PRKCB: variants seen among roughly 807,000 people sequenced by gnomAD.
PRKCB encodes protein kinase C beta type.
In PRKCB, 13 loss-of-function variants were observed where a neutral mutation model predicts 81.5. That is an observed-to-expected ratio of 0.16 (90% CI 0.10 to 0.25). The LOEUF (loss-of-function observed/expected upper bound fraction) is 0.25. PRKCB is among the 10% of genes least tolerant of loss of function. The pLI, the probability that PRKCB is intolerant of heterozygous loss-of-function variation, is 1.00. For missense variants in PRKCB, 509 were observed against 875.7 expected (o/e 0.58, Z 5.29); for synonymous variants, 335 against 321.4 (o/e 1.04, Z -0.45).
intron 5 of PRKCB, among the ~76,000 whole-genome samples, chr16:24,074,750 A>C (rs1291383408): frequency 6.6e-6 from 1 of 152,144 alleles, no homozygotes; most frequent in Non-Finnish European, 1.5e-5. Flanking sequence ...GGGGAGGGAA[A>C]TCTGTAAGGA....
chr16:24,138,335 T>A (rs1966872158), intron 9 of PRKCB, among the ~76,000 whole-genome samples: 1 of 152,262 alleles, frequency 6.6e-6, no homozygotes, highest in African/African-American at 2.4e-5. Context: ...GCTTTCTTCC[T>A]GCCACCTAAT....
intron 7 of PRKCB, among the ~76,000 whole-genome samples, chr16:24,112,474 G>C (rs1397020140): frequency 6.6e-6 from 1 of 152,090 alleles, no homozygotes; most frequent in Non-Finnish European, 1.5e-5. Context: ...GGAGCTCGAG[G>C]CTTCAGTGAG....
Position 24,092,892 on chromosome 16 carries a change from A to C in PRKCB, c.631A>C (p.Lys211Gln). ...IPDPKSESKQKTKTIKCSLNP... is the reference protein window; with the variant it reads ...IPDPKSESKQQTKTIKCSLNP... ...CGATCCCAAAAGTGAGAGCAAACAG[A>C]AGACCAAAACCATCAAATGCTCCCT... The change falls in exon 6 of 17, where the codon AAG (lysine) becomes CAG (glutamine). Residue 211 changes from lysine to glutamine, a missense_variant. By Grantham distance (53) the Lys-to-Gln change is moderately conservative. This residue lies in a region of PRKCB where 184 missense variants were observed against 362.9 expected (regional missense o/e 0.51). Coordinates refer to ENST00000643927, the MANE Select transcript of PRKCB (RefSeq NM_002738.7). 1 of 1,614,156 alleles carries C rather than the reference A, an allele frequency of 6.2e-7. No homozygotes were observed.
chr16:23,870,668 T>C (rs1962888041), intron 2 of PRKCB, among the ~76,000 whole-genome samples: 1 of 152,254 alleles, frequency 6.6e-6, no homozygotes, highest in Non-Finnish European at 1.5e-5. Flanking sequence ...AGGACCTACC[T>C]GCACGTAGGT....
At chr16:23,991,336 G>A (rs1442153850) in intron 3 of PRKCB, among the ~76,000 whole-genome samples, 3 of 152,210 alleles carry the variant, frequency 2.0e-5, no homozygotes, top group Non-Finnish European at 4.4e-5. Context: ...CAAAGACAAA[G>A]TTTGAGACTG....
intron 13 of PRKCB, 70 bp downstream of exon 13, chr16:24,180,998 G>C (rs960425709): frequency 2.5e-6 from 4 of 1,577,284 alleles, no homozygotes; most frequent in Admixed American, 1.7e-5. Context: ...CTGTGTGAGA[G>C]CTGGGAAGGG....
intron 9 of PRKCB, among the ~76,000 whole-genome samples, chr16:24,128,594 A>G (rs1014127379): frequency 2.0e-5 from 3 of 152,246 alleles, no homozygotes; most frequent in Non-Finnish European, 2.9e-5. Flanking sequence ...TGGAAGGGCT[A>G]TCTTACCAAA....
intron 2 of PRKCB, among the ~76,000 whole-genome samples, chr16:23,887,670 GT>G (rs1963225535): frequency 2.6e-5 from 4 of 152,204 alleles, no homozygotes; most frequent in Admixed American, 1.3e-4. Context: ...GAGTGAAGGT[GT>G]CTTTTTGGTG....
Position 24,220,001 on chromosome 16 carries a change from C to G in PRKCB, c.*5185C>G. 1.9e-6 allele frequency: 3 copies of G among 1,614,136 alleles called. No homozygotes were observed. The highest frequency in any genetic ancestry group is 1.7e-6 in the Non-Finnish European group (2 of 1,180,004). On this transcript the variant is annotated 3_prime_UTR_variant, in exon 17 of 17. Transcript: ENST00000643927. The stretch of plus-strand genomic sequence containing the variant: ...ACCTCCAACTTCGACAAAGAGTTCA[C>G]CAGACAGCCTGTGGAACTGACCCCC...
intron 5 of PRKCB, among the ~76,000 whole-genome samples, chr16:24,060,380 T>G (rs891216916): frequency 2.0e-5 from 3 of 152,154 alleles, no homozygotes; most frequent in African/African-American, 7.2e-5. Flanking sequence ...CAAGCTCCTT[T>G]GTACAGGGCA....
intron 2 of PRKCB, among the ~76,000 whole-genome samples, chr16:23,936,579 A>ATTTTTTTTTT (rs57643578): frequency 2.4e-3 from 228 of 96,034 alleles, no homozygotes; most frequent in East Asian, 3.5e-3. Context: ...CACCCAACTA[A>ATTTTTTTTTT]TTTTTTTTTT....
intron 2 of PRKCB, among the ~76,000 whole-genome samples, chr16:23,979,056 G>A (rs893940022): frequency 2.4e-4 from 37 of 152,078 alleles, no homozygotes; most frequent in African/African-American, 8.9e-4. Flanking sequence ...AAGTAGGTAG[G>A]GATAATATTG....
intron 3 of PRKCB, among the ~76,000 whole-genome samples, chr16:24,000,433 C>T (rs1965016985): frequency 6.6e-6 from 1 of 152,136 alleles, no homozygotes; most frequent in Non-Finnish European, 1.5e-5. Context: ...ATCAGACATA[C>T]CTGAATTTGA....
intron 4 of PRKCB, among the ~76,000 whole-genome samples, chr16:24,035,138 C>G (rs916300240): frequency 6.6e-6 from 1 of 152,142 alleles, no homozygotes; most frequent in Non-Finnish European, 1.5e-5. Flanking sequence ...GGCTTCAGAG[C>G]CTTAAGGGGT....
intron 3 of PRKCB, among the ~76,000 whole-genome samples, chr16:24,027,448 T>TG (rs1965495917): frequency 1.3e-5 from 2 of 151,998 alleles, no homozygotes; most frequent in Admixed American, 6.6e-5. Context: ...GATCCCTTAG[T>TG]TTTTTGGGGG....
chr16:24,010,094 T>C (rs1013872005), intron 3 of PRKCB, among the ~76,000 whole-genome samples: 1 of 152,172 alleles, frequency 6.6e-6, no homozygotes, highest in Non-Finnish European at 1.5e-5. Flanking sequence ...CCACATGATA[T>C]TGAAAGGACA....
At chr16:23,846,090 C>T (rs1304592229) in intron 2 of PRKCB, among the ~76,000 whole-genome samples, 1 of 152,126 alleles carries the variant, frequency 6.6e-6, no homozygotes, top group African/African-American at 2.4e-5. Flanking sequence ...AGTATTTTCT[C>T]TTGTTCAGAA....
intron 1 of PRKCB, 182 bp from the exon 2 acceptor site, chr16:23,837,193 G>A (rs988291625): frequency 1.3e-6 from 1 of 742,520 alleles, no homozygotes; most frequent in Non-Finnish European, 2.4e-6. Flanking sequence ...AAGGCAGATG[G>A]GGGTTACAGC....
At chr16:23,921,737 G>T (rs1963828150) in intron 2 of PRKCB, among the ~76,000 whole-genome samples, 1 of 152,094 alleles carries the variant, frequency 6.6e-6, no homozygotes, top group Non-Finnish European at 1.5e-5. Flanking sequence ...AGAGGCAGAG[G>T]TTGCAGTGAG....
Sources: gnomAD v4.1 joint callset for allele counts (sites outside exome capture counted in the v4.1 genomes callset) on GRCh38, gnomAD v4.1.1 for gene constraint, gnomAD v4.1.1 regional missense constraint, MANE v1.5 for transcripts, NCBI Gene and HGNC (gene_info 2026-07-23, HGNC 2026-07-21) for gene names.